The following NRP2 variants were observed in gnomAD, a reference collection of about 807,000 sequenced individuals.
NRP2 encodes neuropilin-2.
Under a neutral mutation model 110.4 loss-of-function variants are expected in NRP2, and 52 were observed. The observed-to-expected ratio is 0.47, with a 90% CI of 0.38 to 0.59. The LOEUF is 0.59. Among genes scored for constraint, NRP2 ranks in the 20% least tolerant of loss-of-function variants. The pLI, the probability that NRP2 is intolerant of heterozygous loss-of-function variation, is 0.00. For missense variants in NRP2, 1,049 were observed against 1,203.0 expected, an observed-to-expected ratio of 0.87 and a Z score of 1.89; for synonymous variants, 508 against 468.9, an observed-to-expected ratio of 1.08 and a Z score of -1.08.
intron 2 of NRP2, among the ~76,000 whole-genome samples, chr2:205,712,505 C>T (rs2056818806): frequency 6.6e-6 from 1 of 152,144 alleles, no homozygotes; most frequent in African/African-American, 2.4e-5. Flanking sequence ...AGATGCAAAG[C>T]CGTATTTATT....
intron 15 of NRP2, chr2:205,776,399 G>A (rs1395587489): frequency 6.2e-7 from 1 of 1,613,448 alleles, no homozygotes; most frequent in Non-Finnish European, 8.5e-7. Context: ...CACCGGTTCC[G>A]CTATGCGGCC....
intron 3 of NRP2, among the ~76,000 whole-genome samples, chr2:205,721,373 T>G (rs1181621153): frequency 6.6e-6 from 1 of 152,194 alleles, no homozygotes; most frequent in Admixed American, 6.5e-5. Flanking sequence ...AATCTGAACA[T>G]AACGAGTGAA....
At chr2:205,713,156 C>A (rs2056831567) in intron 2 of NRP2, among the ~76,000 whole-genome samples, 1 of 152,066 alleles carries the variant, frequency 6.6e-6, no homozygotes, top group African/African-American at 2.4e-5. Flanking sequence ...CTGTTAATCC[C>A]CTAAATGACT....
intron 15 of NRP2, among the ~76,000 whole-genome samples, chr2:205,775,484 C>G (rs1413432927): frequency 6.6e-6 from 1 of 152,196 alleles, no homozygotes; most frequent in East Asian, 1.9e-4. Flanking sequence ...CTCTCACATA[C>G]CCTCTGTCAT....
chr2:205,765,299 G>C (rs2057895894), intron 13 of NRP2, among the ~76,000 whole-genome samples, 175 bp from the exon 14 acceptor site: 1 of 152,040 alleles, frequency 6.6e-6, no homozygotes, highest in Non-Finnish European at 1.5e-5. Flanking sequence ...TTTGAATTAA[G>C]ATTTCAAGAG....
chr2:205,749,597 G>T, intron 10 of NRP2, 128 bp from the exon 11 acceptor site: 1 of 761,046 alleles, frequency 1.3e-6, no homozygotes. Context: ...ACACAGACAT[G>T]ACTTCAGAGT....
At chr2:205,694,043 C>T (rs2056370427) in intron 1 of NRP2, among the ~76,000 whole-genome samples, 1 of 152,074 alleles carries the variant, frequency 6.6e-6, no homozygotes, top group African/African-American at 2.4e-5. Context: ...ATTAAATATT[C>T]GCAAGGAAAG....
chr2:205,690,438 G>T (rs949227978), intron 1 of NRP2, among the ~76,000 whole-genome samples: 3 of 152,004 alleles, frequency 2.0e-5, no homozygotes, highest in African/African-American at 7.3e-5. Context: ...AATTTTACTA[G>T]TATTAAAAAT....
intron 15 of NRP2, among the ~76,000 whole-genome samples, chr2:205,768,670 A>G (rs1178078396): frequency 6.6e-6 from 1 of 152,198 alleles, no homozygotes; most frequent in East Asian, 1.9e-4. Context: ...TTTAGCCAAA[A>G]TAAACACAGG....
rs3771017 is a variant in NRP2, at chr2:205,748,230, G to A, written c.1787-1495G>A. ...GGTCACGTGGCTATGTTTGCTTTTC[G>A]AATTTCCATCTGTTTCTCACACTCA... is the stretch of plus-strand genomic sequence containing the variant. On this transcript the variant is annotated intron_variant, in intron 10 of 16. Transcript: ENST00000357785. 6.6e-5 allele frequency among the ~76,000 whole-genome samples: 10 copies of A among 152,166 alleles called. No individual in the cohort carries two copies. In the East Asian group the frequency reaches 1.7e-3, roughly 26 times the overall value.
chr2:205,772,582 C>T (rs900024329), intron 15 of NRP2, among the ~76,000 whole-genome samples: 2 of 152,152 alleles, frequency 1.3e-5, no homozygotes, highest in Non-Finnish European at 2.9e-5. Context: ...AAAAATAGTT[C>T]AGGAATTGAA....
intron 15 of NRP2, chr2:205,776,895 C>G: frequency 8.3e-7 from 1 of 1,203,790 alleles, no homozygotes; most frequent in South Asian, 1.6e-5. Flanking sequence ...AGTGGGCAGT[C>G]TGCCAGGAGA....
At chr2:205,684,381 C>T (rs1261156954) in intron 1 of NRP2, among the ~76,000 whole-genome samples, 1 of 152,154 alleles carries the variant, frequency 6.6e-6, no homozygotes, top group Non-Finnish European at 1.5e-5. Context: ...GAGAAACCAT[C>T]TATGGAGGAA....
chr2:205,700,698 C>T (rs767523658), intron 2 of NRP2: 1 of 518,830 alleles, frequency 1.9e-6, no homozygotes, highest in Non-Finnish European at 3.8e-6. Context: ...TAACTTTGTT[C>T]CATTGAAGCT....
intron 15 of NRP2, among the ~76,000 whole-genome samples, chr2:205,783,183 T>C (rs2058196486): frequency 1.3e-5 from 2 of 152,190 alleles, no homozygotes; most frequent in Admixed American, 1.3e-4. Flanking sequence ...AAGATAATTT[T>C]AAACTCAGGG....
At chr2:205,702,912 A>G in intron 2 of NRP2, among the ~76,000 whole-genome samples, 1 of 152,152 alleles carries the variant, frequency 6.6e-6, no homozygotes, top group East Asian at 1.9e-4. Context: ...TGCTTCCTGC[A>G]GTTCCCTTTT....
intron 2 of NRP2, among the ~76,000 whole-genome samples, chr2:205,706,260 G>A (rs1053120048): frequency 3.3e-5 from 5 of 151,966 alleles, no homozygotes; most frequent in Non-Finnish European, 2.9e-5. Flanking sequence ...GAGGGTGAGC[G>A]AGACATGTAA....
At chr2:205,709,603 C>T (rs1314077403) in intron 2 of NRP2, among the ~76,000 whole-genome samples, 1 of 152,240 alleles carries the variant, frequency 6.6e-6, no homozygotes, top group African/African-American at 2.4e-5. Flanking sequence ...ACATGCTACA[C>T]TTCCCAGGTT....
intron 7 of NRP2, among the ~76,000 whole-genome samples, chr2:205,737,874 C>G (rs2057372129): frequency 6.6e-6 from 1 of 152,168 alleles, no homozygotes; most frequent in Non-Finnish European, 1.5e-5. Context: ...TCACCCAGAG[C>G]CTGTGGCCAC....
Sources: allele counts gnomAD v4.1 joint callset (sites outside exome capture counted in the v4.1 genomes callset), GRCh38; gene constraint gnomAD v4.1.1; transcripts MANE v1.5; gene names NCBI Gene and HGNC (gene_info 2026-07-23, HGNC 2026-07-21).